CCDC170: variants seen among roughly 807,000 people sequenced by gnomAD.
CCDC170 encodes coiled-coil domain-containing protein 170.
In CCDC170, 69 loss-of-function variants were observed where a neutral mutation model predicts 72.6. The observed-to-expected ratio is 0.95, with a 90% CI of 0.78 to 1.16. CCDC170 has a LOEUF of 1.16. Among genes scored for constraint, CCDC170 ranks in the 50% most tolerant of loss-of-function variants. The pLI is 0.00. For missense variants in CCDC170, 852 were observed against 832.5 expected (o/e 1.02, Z -0.29); for synonymous variants, 300 against 303.9 (o/e 0.99, Z 0.13).
At chr6:151,606,155 G>T (rs551177408) in intron 9 of CCDC170, among the ~76,000 whole-genome samples, 1 of 152,326 alleles carries the variant, frequency 6.6e-6, no homozygotes, top group Non-Finnish European at 1.5e-5. Flanking sequence ...ACCCACCTGT[G>T]CTGCCCAAGC....
intron 5 of CCDC170, among the ~76,000 whole-genome samples, chr6:151,557,221 A>T (rs1003728084): frequency 6.6e-6 from 1 of 152,068 alleles, no homozygotes; most frequent in Non-Finnish European, 1.5e-5. Flanking sequence ...ATCCTGGCTA[A>T]CACGGTGGAA....
chr6:151,542,332 C>T (rs1782704179), intron 3 of CCDC170, among the ~76,000 whole-genome samples: 1 of 152,188 alleles, frequency 6.6e-6, no homozygotes, highest in South Asian at 2.1e-4. Flanking sequence ...GCAATCCTCC[C>T]ACCTTAGCCT....
chr6:151,504,560 GAGA>G (rs1418577323), intron 1 of CCDC170, among the ~76,000 whole-genome samples: 1 of 152,068 alleles, frequency 6.6e-6, no homozygotes, highest in African/African-American at 2.4e-5. Context: ...TATGGTCTCA[GAGA>G]AGGACCTAGA....
At chr6:151,522,544 T>A (rs1782337174) in intron 1 of CCDC170, among the ~76,000 whole-genome samples, 1 of 152,152 alleles carries the variant, frequency 6.6e-6, no homozygotes, top group Non-Finnish European at 1.5e-5. Context: ...TCTCTTTAAA[T>A]TAGCCAATGG....
rs146543497 is a variant in CCDC170, at chr6:151,513,352, G to A, written c.57+19167G>A. The stretch of plus-strand genomic sequence containing the variant: ...CAGACAGGGATGGTGGCTCACGCCT[G>A]TAATCCCAGCACTTTGGGATGCCAA... On this transcript the variant is annotated intron_variant, in intron 1 of 10. Coordinates refer to ENST00000239374, the MANE Select transcript of CCDC170 (RefSeq NM_025059.4). Among the ~76,000 whole-genome samples, 1,426 of 152,318 alleles carry A rather than the reference G, an allele frequency of 9.4e-3. 28 individuals carry two copies. Among genetic ancestry groups the A allele is most frequent in the African/African-American group, 0.032 (1,342 of 41,568 alleles).
intron 2 of CCDC170, 123 bp from the exon 3 acceptor site, chr6:151,537,919 AAAT>A (rs1487895616): frequency 7.1e-5 from 67 of 940,490 alleles, no homozygotes; most frequent in Non-Finnish European, 1.0e-4. Flanking sequence ...ATTAGAAAAA[AAAT>A]AAAGTTAGAT....
At chr6:151,514,762 G>A (rs150513638) in intron 1 of CCDC170, among the ~76,000 whole-genome samples, 272 of 152,314 alleles carry the variant, frequency 1.8e-3, no homozygotes, top group African/African-American at 6.0e-3. Context: ...CTACTTTGTG[G>A]CAGCACAAAG....
At chr6:151,565,966 T>G (rs1776128775) in intron 5 of CCDC170, among the ~76,000 whole-genome samples, 1 of 152,212 alleles carries the variant, frequency 6.6e-6, no homozygotes, top group South Asian at 2.1e-4. Context: ...AGATGGGAAC[T>G]GTCGGTGGTT....
chr6:151,510,667 C>T (rs778436322), intron 1 of CCDC170, among the ~76,000 whole-genome samples: 15 of 151,970 alleles, frequency 9.9e-5, no homozygotes, highest in South Asian at 2.1e-4. Flanking sequence ...ACAGAAAAAT[C>T]GTAAATTAGA....
chr6:151,604,828 G>A (rs903012972), intron 9 of CCDC170, among the ~76,000 whole-genome samples: 8 of 151,952 alleles, frequency 5.3e-5, no homozygotes, highest in African/African-American at 1.9e-4. Flanking sequence ...TGTATACAAT[G>A]GATAATGAAC....
chr6:151,524,085 T>A (rs762002856), intron 1 of CCDC170, among the ~76,000 whole-genome samples: 10 of 152,334 alleles, frequency 6.6e-5, no homozygotes, highest in Middle Eastern at 3.4e-3. Context: ...CTCATTTGCA[T>A]AAGGTGCAAA....
intron 8 of CCDC170, among the ~76,000 whole-genome samples, chr6:151,595,848 C>T (rs1464436683): frequency 4.6e-5 from 7 of 152,016 alleles, no homozygotes; most frequent in Admixed American, 1.3e-4. Flanking sequence ...TATCCACTCT[C>T]ATGTTGGGGG....
At chr6:151,511,084 A>G (rs1158193433) in intron 1 of CCDC170, among the ~76,000 whole-genome samples, 1 of 152,164 alleles carries the variant, frequency 6.6e-6, no homozygotes, top group South Asian at 2.1e-4. Flanking sequence ...CTTACCTAAT[A>G]AGATGTGGAT....
chr6:151,560,799 C>T (rs1783064907), intron 5 of CCDC170, among the ~76,000 whole-genome samples: 1 of 151,810 alleles, frequency 6.6e-6, no homozygotes, highest in Admixed American at 6.6e-5. Context: ...TTCTGTTTTC[C>T]ATTTGTGTGA....
intron 1 of CCDC170, among the ~76,000 whole-genome samples, chr6:151,504,494 A>G (rs1782039369): frequency 6.6e-6 from 1 of 150,926 alleles, no homozygotes; most frequent in South Asian, 2.1e-4. Context: ...ATAAAAAATA[A>G]TTGGTAATAA....
chr6:151,545,061 G>C (rs1020080243), intron 4 of CCDC170, among the ~76,000 whole-genome samples: 6 of 152,096 alleles, frequency 3.9e-5, no homozygotes, highest in Admixed American at 6.6e-5. Context: ...CACACAAGCA[G>C]CTGCATGTCA....
intron 5 of CCDC170, among the ~76,000 whole-genome samples, chr6:151,557,177 G>A (rs1782993235): frequency 6.6e-6 from 1 of 152,154 alleles, no homozygotes; most frequent in East Asian, 1.9e-4. Flanking sequence ...GGGAGGCCAA[G>A]GCGGGTGGAT....
rs1783034814 is a variant in CCDC170, at chr6:151,559,059, C to T, written c.774+10570C>T. Among the ~76,000 whole-genome samples the T allele has an allele frequency of 3.6e-5, 5 of 139,864 alleles. No homozygotes were observed. In the South Asian group the frequency reaches 1.1e-3, roughly 31 times the overall value. 91.8% of individuals were successfully genotyped at this position (139,864 alleles called of 152,430 possible). A position where few individuals can be genotyped will look rare whatever the true frequency, so the allele number is the denominator to read the frequency against. ...ACAGAATCTTGCTCTGTCTCCCAGG[C>T]TGGAGTGCAGTGGTGTGATCTTGGC... On this transcript the variant is annotated intron_variant, in intron 5 of 10. Transcript: ENST00000239374.
chr6:151,521,524 A>G (rs1782315403), intron 1 of CCDC170, among the ~76,000 whole-genome samples: 1 of 152,200 alleles, frequency 6.6e-6, no homozygotes, highest in South Asian at 2.1e-4. Flanking sequence ...CTACTGGGTC[A>G]CATTCCTAGG....
Sources: allele counts gnomAD v4.1 joint callset (sites outside exome capture counted in the v4.1 genomes callset), GRCh38; gene constraint gnomAD v4.1.1; transcripts MANE v1.5; gene names NCBI Gene and HGNC (gene_info 2026-07-23, HGNC 2026-07-21).